SLC18A1: variants seen among roughly 807,000 people sequenced by gnomAD.
SLC18A1 encodes the protein chromaffin granule amine transporter.
Under a neutral mutation model 53.7 loss-of-function variants are expected in SLC18A1, and 69 were observed. The ratio of observed to expected loss-of-function variants is 1.28; its 90% confidence interval spans 1.06 to 1.57. SLC18A1 has a LOEUF of 1.57. Among genes scored for constraint, SLC18A1 ranks in the 40% most tolerant of loss-of-function variants. The pLI, the probability that SLC18A1 is intolerant of heterozygous loss-of-function variation, is 0.00. For missense variants in SLC18A1, 932 were observed against 668.1 expected (o/e 1.40, Z -4.35); for synonymous variants, 320 against 248.1 (o/e 1.29, Z -2.72).
intron 11 of SLC18A1, among the ~76,000 whole-genome samples, chr8:20,150,322 T>A (rs189024907): frequency 2.8e-4 from 43 of 152,274 alleles, no homozygotes; most frequent in African/African-American, 1.0e-3. Flanking sequence ...CCACAGAACA[T>A]AATTTGAAAA....
intron 15 of SLC18A1, 22 bp from the exon 16 acceptor site, chr8:20,145,898 G>T: frequency 7.2e-7 from 1 of 1,394,076 alleles, no homozygotes; most frequent in Non-Finnish European, 1.0e-6. Context: ...GGCAAGAAGA[G>T]AAGCCACTGC....
At chr8:20,177,762 C>A (rs912976122) in intron 4 of SLC18A1, among the ~76,000 whole-genome samples, 1 of 152,190 alleles carries the variant, frequency 6.6e-6, no homozygotes, top group African/African-American at 2.4e-5. Flanking sequence ...CCTGCCTTAA[C>A]CTGCTAACGC....
chr8:20,176,186 C>T (rs962678983), intron 4 of SLC18A1, among the ~76,000 whole-genome samples: 1 of 152,068 alleles, frequency 6.6e-6, no homozygotes, highest in Non-Finnish European at 1.5e-5. Flanking sequence ...TTAATGTCTT[C>T]CTTTGGTGGT....
At chr8:20,182,603 C>T (rs980011944) in intron 1 of SLC18A1, among the ~76,000 whole-genome samples, 2 of 152,190 alleles carry the variant, frequency 1.3e-5, no homozygotes, top group Non-Finnish European at 2.9e-5. Context: ...ATGATTATCA[C>T]TGAAATTCAA....
intron 12 of SLC18A1, chr8:20,148,486 A>C (rs1036906692): frequency 7.8e-7 from 1 of 1,288,356 alleles, no homozygotes; most frequent in Non-Finnish European, 1.0e-6. Context: ...GACATCACTG[A>C]AAGGTTTCAT....
In SLC18A1 at chr8:20,147,267, T is replaced by G. The variant is rs2071423967; in HGVS notation, c.1455A>C (p.Glu485Asp). 1 of 1,603,368 alleles carries G rather than the reference T, an allele frequency of 6.2e-7. No homozygotes were observed. The highest frequency in any genetic ancestry group is 1.3e-5 in the African/African-American group (1 of 74,360). Reference sequence around the variant, plus strand: ...AGTCGGTGCTCCTTACAAGCTTCTCTTCCTTTGCCGGGGGGCTCCGCAGGT... The same window carrying G: ...AGTCGGTGCTCCTTACAAGCTTCTCGTCCTTTGCCGGGGGGCTCCGCAGGT... ...CYYLRSPPAK[E>D]EKLAILSQDC... The change falls in exon 15 of 16, where the codon GAA becomes GAC. Residue 485 changes from glutamate (E) to aspartate (D), a missense_variant. By Grantham distance (45) the Glu-to-Asp change is conservative. Transcript: ENST00000276373.
At chr8:20,167,148 C>G (rs374970644) in intron 8 of SLC18A1, among the ~76,000 whole-genome samples, 1 of 151,360 alleles carries the variant, frequency 6.6e-6, no homozygotes, top group Admixed American at 6.6e-5. Context: ...AAAAAAAACC[C>G]CACAAATGGA....
intron 10 of SLC18A1, among the ~76,000 whole-genome samples, chr8:20,160,621 C>T (rs2071806674): frequency 6.6e-6 from 1 of 152,004 alleles, no homozygotes; most frequent in African/African-American, 2.4e-5. Context: ...TTTAGGATTC[C>T]AGATGAAAAT....
Position 20,171,620 on chromosome 8 carries a change from T to G in SLC18A1, c.725-126A>C, listed in dbSNP as rs556894698. 1.1e-3 allele frequency: 772 copies of G among 710,630 alleles called. 4 individuals are homozygous for G. The highest frequency in any genetic ancestry group is 1.9e-3 in the South Asian group (119 of 61,580). 44.0% of individuals were successfully genotyped at this position (710,630 alleles called of 1,614,324 possible). ...AGGGGCTAAGCTCCACCTGAGGCTC[T>G]GGGAATTCAGAGATGGAGACATGAT... On this transcript the variant is annotated intron_variant, in intron 6 of 15. Coordinates refer to ENST00000276373, the MANE Select transcript of SLC18A1 (RefSeq NM_003053.4).
At position 20,157,365 on chromosome 8, in the gene SLC18A1, A is replaced by C. The variant is rs558693157; in HGVS notation, c.1016-6621T>G. Among the ~76,000 whole-genome samples, 5 of 152,324 alleles carry C rather than the reference A, an allele frequency of 3.3e-5. No homozygotes were observed. The East Asian group carries it at 9.7e-4, about 29-fold the overall frequency. On this transcript the variant is annotated intron_variant, in intron 10 of 15. Coordinates refer to ENST00000276373, the MANE Select transcript of SLC18A1 (RefSeq NM_003053.4). ...TCTCAGTCAGGTCAATGATAGGGTG[A>C]CAACAGAGGAAAGAGAACGATTCCC...
At chr8:20,164,543 G>A (rs1008744236) in intron 10 of SLC18A1, among the ~76,000 whole-genome samples, 1 of 152,060 alleles carries the variant, frequency 6.6e-6, no homozygotes, top group Non-Finnish European at 1.5e-5. Flanking sequence ...ATGCTCAGAG[G>A]GTTTAAGGCA....
intron 6 of SLC18A1, 115 bp from the exon 7 acceptor site, chr8:20,171,609 A>T: frequency 1.3e-6 from 1 of 761,192 alleles, no homozygotes; most frequent in South Asian, 1.5e-5. Flanking sequence ...GCTAAGCTCC[A>T]CCTGAGGCTC....
At chr8:20,146,082 A>G (rs1047544237) in intron 15 of SLC18A1, among the ~76,000 whole-genome samples, 1 of 151,858 alleles carries the variant, frequency 6.6e-6, no homozygotes, top group African/African-American at 2.4e-5. Flanking sequence ...CGCCAGGCTA[A>G]TTTTTTGTAT....
chr8:20,153,692 C>G (rs1348061483), intron 10 of SLC18A1, among the ~76,000 whole-genome samples: 1 of 151,520 alleles, frequency 6.6e-6, no homozygotes, highest in Non-Finnish European at 1.5e-5. Flanking sequence ...GAAGTGAGGA[C>G]AGGAGTAGTG....
Position 20,153,404 on chromosome 8 carries a change from G to A in SLC18A1, c.1016-2660C>T, listed in dbSNP as rs564507040. On this transcript the variant is annotated intron_variant, in intron 10 of 15. Coordinates refer to ENST00000276373, the MANE Select transcript of SLC18A1 (RefSeq NM_003053.4). Reference sequence around the variant, plus strand: ...AGAAAGAAGTGAGGACAGGCTGGGCGCTGTGGCTCACGCCTGTAATCCCAG... The same window carrying A: ...AGAAAGAAGTGAGGACAGGCTGGGCACTGTGGCTCACGCCTGTAATCCCAG... 1.7e-3 allele frequency among the ~76,000 whole-genome samples: 254 copies of A among 152,320 alleles called. 8 individuals are homozygous for A. The South Asian group carries it at 0.048, about 29-fold the overall frequency.
intron 7 of SLC18A1, 58 bp from the exon 8 acceptor site, chr8:20,171,204 A>G: frequency 6.4e-7 from 1 of 1,568,546 alleles, no homozygotes; most frequent in Non-Finnish European, 8.8e-7. Flanking sequence ...TGGGGGCTCC[A>G]ATAACAGCTG....
intron 2 of SLC18A1, among the ~76,000 whole-genome samples, chr8:20,180,204 A>T (rs1473026457): frequency 6.6e-6 from 1 of 151,642 alleles, no homozygotes. Flanking sequence ...TTTATAGAGC[A>T]TAACTATAAC....
intron 8 of SLC18A1, among the ~76,000 whole-genome samples, chr8:20,169,116 G>A (rs553131452): frequency 5.3e-5 from 8 of 152,166 alleles, no homozygotes; most frequent in Admixed American, 3.3e-4. Flanking sequence ...ACTGAGAGGC[G>A]ACGGGCATTA....
chr8:20,147,215 G>T, intron 15 of SLC18A1, 43 bp downstream of exon 15: 1 of 1,560,690 alleles, frequency 6.4e-7, no homozygotes, highest in South Asian at 1.2e-5. Flanking sequence ...ATGATGGAAA[G>T]AAACAGAAGT....
Sources: allele counts gnomAD v4.1 joint callset (sites outside exome capture counted in the v4.1 genomes callset), GRCh38; gene constraint gnomAD v4.1.1; transcripts MANE v1.5; gene names NCBI Gene and HGNC (gene_info 2026-07-23, HGNC 2026-07-21).